PDGFD: variants seen among roughly 807,000 people sequenced by gnomAD.
PDGFD encodes platelet-derived growth factor D.
A neutral mutation model predicts 44.7 loss-of-function variants in PDGFD; 30 were observed. The ratio of observed to expected loss-of-function variants is 0.67; its 90% CI spans 0.50 to 0.91. The LOEUF (loss-of-function observed/expected upper bound fraction) is 0.91, where lower values mean the gene tolerates loss of function less well. Ranked by LOEUF, PDGFD falls within the 40% of genes least tolerant of loss-of-function variation. The probability of loss-of-function intolerance (pLI) is 0.00; values close to 1 mark genes in which losing one functional copy is unlikely to be tolerated. For synonymous variants in PDGFD, 173 were observed against 168.4 expected, an observed-to-expected ratio of 1.03 and a Z score of -0.21; for missense variants, 445 against 457.8, an observed-to-expected ratio of 0.97 and a Z score of 0.25.
At chr11:103,961,878 G>A (rs1434222009) in intron 3 of PDGFD, among the ~76,000 whole-genome samples, 1 of 152,148 alleles carries the variant, frequency 6.6e-6, no homozygotes, top group East Asian at 1.9e-4. Context: ...CAGGTCTCTT[G>A]ACATACTGTA....
intron 1 of PDGFD, among the ~76,000 whole-genome samples, chr11:104,160,539 G>A (rs1862373801): frequency 6.6e-6 from 1 of 152,192 alleles, no homozygotes; most frequent in Non-Finnish European, 1.5e-5. Flanking sequence ...AGATGCTACT[G>A]CTAAATTAAG....
At chr11:103,958,077 A>C (rs973794470) in intron 3 of PDGFD, among the ~76,000 whole-genome samples, 1 of 152,026 alleles carries the variant, frequency 6.6e-6, no homozygotes, top group Non-Finnish European at 1.5e-5. Context: ...GTGATTAATT[A>C]TTTTGCAGTA....
At chr11:104,085,044 A>C (rs1051396980) in intron 1 of PDGFD, among the ~76,000 whole-genome samples, 1 of 151,014 alleles carries the variant, frequency 6.6e-6, no homozygotes, top group African/African-American at 2.4e-5. Flanking sequence ...TTCAAAACAA[A>C]AAAAATTAAT....
chr11:104,053,799 GA>G, intron 1 of PDGFD, among the ~76,000 whole-genome samples: 1 of 152,166 alleles, frequency 6.6e-6, no homozygotes, highest in South Asian at 2.1e-4. Flanking sequence ...TGTAAAATTT[GA>G]TGAATCTATA....
chr11:104,092,692 T>C (rs1861228224), intron 1 of PDGFD, among the ~76,000 whole-genome samples: 1 of 152,144 alleles, frequency 6.6e-6, no homozygotes, highest in Non-Finnish European at 1.5e-5. Flanking sequence ...TTATCATAAT[T>C]TTGAGAAATA....
At chr11:103,959,727 G>A (rs1591095419) in intron 3 of PDGFD, among the ~76,000 whole-genome samples, 1 of 152,188 alleles carries the variant, frequency 6.6e-6, no homozygotes, top group East Asian at 1.9e-4. Flanking sequence ...ACTTTACAAA[G>A]AGAAAAAATA....
At chr11:103,910,927 G>A (rs984113223) in intron 6 of PDGFD, among the ~76,000 whole-genome samples, 5 of 152,202 alleles carry the variant, frequency 3.3e-5, no homozygotes, top group African/African-American at 4.8e-5. Context: ...GCTTGAGTAG[G>A]CGAGGCGGTT....
intron 1 of PDGFD, among the ~76,000 whole-genome samples, chr11:104,059,770 C>G (rs1405833141): frequency 6.6e-6 from 1 of 152,136 alleles, no homozygotes; most frequent in Admixed American, 6.5e-5. Flanking sequence ...TCAACTAATC[C>G]GTTTCCAAGA....
At chr11:104,160,105 C>G (rs1297012065) in intron 1 of PDGFD, among the ~76,000 whole-genome samples, 1 of 152,126 alleles carries the variant, frequency 6.6e-6, no homozygotes, top group Non-Finnish European at 1.5e-5. Context: ...GATCTTTGTA[C>G]TTAAGTCAGT....
intron 1 of PDGFD, among the ~76,000 whole-genome samples, chr11:104,091,960 A>G (rs1314467389): frequency 2.0e-5 from 3 of 152,176 alleles, no homozygotes; most frequent in African/African-American, 7.2e-5. Context: ...ATGTTAAACA[A>G]ACCTCATACG....
At position 103,927,129 on chromosome 11, in the gene PDGFD, G is replaced by A. The variant is rs1262305249; in HGVS notation, c.773-3C>T. 5.6e-6 allele frequency: 9 copies of A among 1,613,070 alleles called. No homozygotes were observed. Among genetic ancestry groups the A allele is most frequent in the Non-Finnish European group, 6.8e-6 (8 of 1,179,234 alleles). On this transcript the variant is annotated splice_polypyrimidine_tract_variant and splice_region_variant and intron_variant, in intron 5 of 6. Transcript: ENST00000393158. Reference sequence around the variant, plus strand: ...ATCATTGAGCCTATCCAGGTCAACTGTAAGCAAATACATGCACTGTGTAAG... The same window carrying A: ...ATCATTGAGCCTATCCAGGTCAACTATAAGCAAATACATGCACTGTGTAAG...
chr11:104,016,594 G>A (rs1859861239), intron 1 of PDGFD, among the ~76,000 whole-genome samples: 1 of 152,218 alleles, frequency 6.6e-6, no homozygotes, highest in Non-Finnish European at 1.5e-5. Context: ...GGGCAAGAGA[G>A]AAGTTGGAGT....
chr11:104,133,749 A>G lies in PDGFD; in HGVS notation c.124+30055T>C, dbSNP rs573238821. On this transcript the variant is annotated intron_variant, in intron 1 of 6. Coordinates refer to ENST00000393158, the MANE Select transcript of PDGFD (RefSeq NM_025208.5). ...TGTAATAGACAAGGCTCGTGAGGGC[A>G]AGAGTATTTTATAAGTTCCAGTCTA... Among the ~76,000 whole-genome samples the G allele has an allele frequency of 1.4e-4, 21 of 152,314 alleles. No homozygotes were observed. In the South Asian group the frequency reaches 4.1e-3, roughly 30 times the overall value.
chr11:104,017,016 T>C (rs1164381280), intron 1 of PDGFD, among the ~76,000 whole-genome samples: 1 of 152,166 alleles, frequency 6.6e-6, no homozygotes, highest in Non-Finnish European at 1.5e-5. Context: ...GTGATGGTAT[T>C]AGGAGGTGAG....
chr11:104,013,292 C>T (rs963826494), intron 1 of PDGFD, among the ~76,000 whole-genome samples: 3 of 152,144 alleles, frequency 2.0e-5, no homozygotes, highest in Non-Finnish European at 2.9e-5. Context: ...CCTGATTCCT[C>T]CTGCATACCA....
chr11:103,966,109 A>C (rs1591098524), intron 3 of PDGFD, among the ~76,000 whole-genome samples: 1 of 152,212 alleles, frequency 6.6e-6, no homozygotes, highest in African/African-American at 2.4e-5. Context: ...TATTTGGGTC[A>C]GGCAAAAAAC....
chr11:104,126,330 A>G (rs1437018561), intron 1 of PDGFD, among the ~76,000 whole-genome samples: 2 of 152,146 alleles, frequency 1.3e-5, no homozygotes, highest in African/African-American at 4.8e-5. Context: ...CCAGTCCAAC[A>G]GGGCTAGGAT....
chr11:103,961,401 A>C (rs902426038), intron 3 of PDGFD, among the ~76,000 whole-genome samples: 1 of 152,172 alleles, frequency 6.6e-6, no homozygotes, highest in Non-Finnish European at 1.5e-5. Flanking sequence ...ATTTAAGTAC[A>C]TTTAGGAAGG....
At chr11:104,005,674 C>G (rs369754222) in intron 1 of PDGFD, among the ~76,000 whole-genome samples, 1 of 152,184 alleles carries the variant, frequency 6.6e-6, no homozygotes, top group African/African-American at 2.4e-5. Context: ...ACAACAACCC[C>G]ATGCCATTGG....
Sources: allele counts gnomAD v4.1 joint callset (sites outside exome capture counted in the v4.1 genomes callset), GRCh38; gene constraint gnomAD v4.1.1; transcripts MANE v1.5; gene names NCBI Gene and HGNC (gene_info 2026-07-23, HGNC 2026-07-21).